CD4: variants seen among roughly 807,000 people sequenced by gnomAD.
The protein encoded by CD4 is T-cell surface glycoprotein CD4.
In CD4, 25 loss-of-function variants were observed where a neutral mutation model predicts 50.5. The ratio of observed to expected loss-of-function variants is 0.49; its 90% CI spans 0.36 to 0.69. The LOEUF (loss-of-function observed/expected upper bound fraction) is 0.69, where lower values mean the gene tolerates loss of function less well. Ranked by LOEUF, CD4 falls within the 30% of genes least tolerant of loss-of-function variation. The probability of loss-of-function intolerance (pLI) is 0.00; values close to 1 mark genes in which losing one functional copy is unlikely to be tolerated. For synonymous variants in CD4, 207 were observed against 221.9 expected (o/e 0.93, Z 0.60); for missense variants, 456 against 548.5 (o/e 0.83, Z 1.68).
chr12:6,800,526 C>T (rs976021801), intron 3 of CD4, 55 bp downstream of exon 3: 3 of 1,480,966 alleles, frequency 2.0e-6, no homozygotes, highest in Admixed American at 2.0e-5. Context: ...GAGTGAAAGC[C>T]TTTGGTGTCT....
intron 9 of CD4, 26 bp from the exon 10 acceptor site, chr12:6,819,273 G>A (rs1555118647): frequency 1.2e-5 from 19 of 1,613,272 alleles, no homozygotes; most frequent in East Asian, 2.2e-5. Context: ...GGACAGACCT[G>A]CTCCCCTTCT....
At chr12:6,797,716 A>G (rs1249711813) in intron 1 of CD4, among the ~76,000 whole-genome samples, 1 of 152,162 alleles carries the variant, frequency 6.6e-6, no homozygotes, top group African/African-American at 2.4e-5. Context: ...CTGTGCCTGG[A>G]TGTGCTAGAT....
Position 6,818,361 on chromosome 12 carries a change from C to A in CD4, c.1157-60C>A. On this transcript the variant is annotated intron_variant, in intron 7 of 9. Coordinates refer to ENST00000011653, the MANE Select transcript of CD4 (RefSeq NM_000616.5). This position sits in a 1 kb window ranked among gnomAD's most constrained non-coding sequence, Gnocchi z 5.0. ...TGGCCAGGAGGGATTGCAGGGCAGTCCTCAGTCCCCTGGCCCGTGGAGGAG... is the reference window on the plus strand; with the variant it reads ...TGGCCAGGAGGGATTGCAGGGCAGTACTCAGTCCCCTGGCCCGTGGAGGAG... 2 of 1,599,752 alleles carry A rather than the reference C, an allele frequency of 1.3e-6. No homozygotes were observed.
chr12:6,811,893 T>C (rs1261149814), intron 3 of CD4, among the ~76,000 whole-genome samples: 1 of 152,082 alleles, frequency 6.6e-6, no homozygotes, highest in African/African-American at 2.4e-5. Flanking sequence ...CACTGTAACT[T>C]TGAACTCCTG....
intron 1 of CD4, among the ~76,000 whole-genome samples, chr12:6,791,279 C>G (rs1192683865): frequency 6.6e-6 from 1 of 152,190 alleles, no homozygotes; most frequent in African/African-American, 2.4e-5. Flanking sequence ...GTCTCGCTCT[C>G]TTGCCCAGGC....
chr12:6,791,399 C>A (rs61916272), intron 1 of CD4, among the ~76,000 whole-genome samples: 1 of 151,916 alleles, frequency 6.6e-6, no homozygotes, highest in Non-Finnish European at 1.5e-5. Context: ...CCCAACACCA[C>A]GCCCGGCTAC....
At chr12:6,806,963 C>G (rs1942781014) in intron 3 of CD4, among the ~76,000 whole-genome samples, 1 of 152,006 alleles carries the variant, frequency 6.6e-6, no homozygotes, top group Non-Finnish European at 1.5e-5. Context: ...GTCAGGAGAT[C>G]GAGACCATCC....
chr12:6,815,920 T>C (rs1489547660), intron 5 of CD4, 136 bp from the exon 6 acceptor site: 4 of 1,521,438 alleles, frequency 2.6e-6, no homozygotes, highest in Non-Finnish European at 3.5e-6. Flanking sequence ...GGAACTGAAG[T>C]ATCTGAAGTG....
chr12:6,791,600 G>C (rs1472213460), intron 1 of CD4, among the ~76,000 whole-genome samples: 2 of 152,196 alleles, frequency 1.3e-5, no homozygotes, highest in Admixed American at 6.5e-5. Flanking sequence ...CCTGTGATGG[G>C]CCGGGCGTGG....
intron 3 of CD4, chr12:6,813,499 C>T (rs1942998607): frequency 6.6e-6 from 1 of 152,060 alleles, no homozygotes; most frequent in Non-Finnish European, 1.5e-5. Flanking sequence ...TGTTTAACAT[C>T]TCGCTTTATT....
intron 1 of CD4, among the ~76,000 whole-genome samples, chr12:6,798,055 C>T (rs1048347457): frequency 6.6e-6 from 1 of 152,126 alleles, no homozygotes; most frequent in Non-Finnish European, 1.5e-5. Context: ...CTGGACAATA[C>T]CTAGGCTTTC....
chr12:6,810,366 A>T (rs1249270048), intron 3 of CD4, among the ~76,000 whole-genome samples: 1 of 152,206 alleles, frequency 6.6e-6, no homozygotes, highest in Admixed American at 6.5e-5. Flanking sequence ...AGGCAGAGTT[A>T]TTTTAGGAGG....
chr12:6,817,917 TCGTACA>T (rs1943134088), intron 7 of CD4, among the ~76,000 whole-genome samples: 1 of 151,494 alleles, frequency 6.6e-6, no homozygotes, highest in African/African-American at 2.4e-5. Flanking sequence ...CCACACACTG[TCGTACA>T]CGTACACTCA....
intron 1 of CD4, among the ~76,000 whole-genome samples, chr12:6,796,458 C>CACT (rs1942379290): frequency 6.6e-6 from 1 of 152,210 alleles, no homozygotes. Context: ...CCCAGGCAGT[C>CACT]ACCTCTCTGA....
At position 6,819,374 on chromosome 12, in the gene CD4, T is replaced by G. The variant is rs1346272073; in HGVS notation, c.*45T>G. 6.3e-7 allele frequency: 1 copy of G among 1,596,078 alleles called. No individual in the cohort carries two copies. The highest frequency in any genetic ancestry group is 8.6e-7 in the Non-Finnish European group (1 of 1,163,694). ...CCCACTTGCAGCCTCCCCAGGTGTC[T>G]GCCCCGCGTTTCCTGCCTGCGGACC... On this transcript the variant is annotated 3_prime_UTR_variant, in exon 10 of 10. Transcript: ENST00000011653.
chr12:6,796,850 T>C (rs1478887248), intron 1 of CD4, among the ~76,000 whole-genome samples: 1 of 152,040 alleles, frequency 6.6e-6, no homozygotes, highest in East Asian at 1.9e-4. Context: ...AAACTAAAAA[T>C]AAAAAGATTT....
chr12:6,818,578 C>T lies in CD4; in HGVS notation c.1278+36C>T, dbSNP rs200155436. The T allele has an allele frequency of 1.9e-5, 31 of 1,610,998 alleles. No individual in the cohort carries two copies. Among genetic ancestry groups the T allele is most frequent in the Non-Finnish European group, 2.6e-5 (31 of 1,179,710 alleles). On this transcript the variant is annotated intron_variant, in intron 8 of 9. Coordinates refer to ENST00000011653, the MANE Select transcript of CD4 (RefSeq NM_000616.5). The surrounding 1 kb of genome is among the most constrained non-coding windows in gnomAD (Gnocchi z 5.0). ...CCACACCTGGTCCCCACAAGGCCCT[C>T]AAACCCCTGAGTCCTCTACCAGGAG...
At position 6,818,390 on chromosome 12, in the gene CD4, G is replaced by T; in HGVS notation, c.1157-31G>T. ...AGTCCCCTGGCCCGTGGAGGAGGGC[G>T]GTGCATTGAGCACATTTCTCTCCCT... On this transcript the variant is annotated intron_variant, in intron 7 of 9. Coordinates refer to ENST00000011653, the MANE Select transcript of CD4 (RefSeq NM_000616.5). The surrounding 1 kb of genome is among the most constrained non-coding windows in gnomAD (Gnocchi z 5.0). The T allele has an allele frequency of 6.2e-7, 1 of 1,610,006 alleles. No homozygotes were observed.
rs1555118087 is a variant in CD4, at chr12:6,817,236, G to C, written c.1062G>C (p.Arg354=). 1.1e-5 allele frequency: 18 copies of C among 1,611,820 alleles called. No individual in the cohort carries two copies. Among genetic ancestry groups the C allele is most frequent in the Non-Finnish European group, 1.5e-5 (18 of 1,178,858 alleles). Residue 354 remains arginine, a synonymous_variant, in exon 7 of 10, where the codon CGG becomes CGC. Transcript: ENST00000011653. ...LENKEAKVSK[R]EKAVWVLNPE... is the part of the protein sequence containing the mutation. ...ACAAGGAGGCAAAGGTCTCGAAGCG[G>C]GAGAAGGCGGTGTGGGTGCTGAACC...
Sources: gnomAD v4.1 joint callset for allele counts (sites outside exome capture counted in the v4.1 genomes callset) on GRCh38, gnomAD v4.1.1 for gene constraint, Gnocchi (gnomAD v3.1) non-coding constraint, MANE v1.5 for transcripts, NCBI Gene and HGNC (gene_info 2026-07-23, HGNC 2026-07-21) for gene names.